MCC: variants seen among roughly 807,000 people sequenced by gnomAD.
The protein encoded by MCC is MCC regulator of Wnt signaling pathway.
MCC carries 90 observed loss-of-function variants against 116.2 expected under a neutral mutation model. The observed-to-expected ratio is 0.77, with a 90% CI of 0.65 to 0.92. The LOEUF (loss-of-function observed/expected upper bound fraction) is 0.92. MCC is among the 40% of genes least tolerant of loss of function. The pLI, the probability that MCC is intolerant of heterozygous loss-of-function variation, is 0.00. For synonymous variants in MCC, 578 were observed against 510.5 expected (o/e 1.13, Z -1.78); for missense variants, 1,516 against 1,312.2 (o/e 1.16, Z -2.40).
intron 12 of MCC, 142 bp from the exon 13 acceptor site, chr5:113,068,325 T>A: frequency 1.6e-6 from 1 of 633,578 alleles, no homozygotes; most frequent in East Asian, 2.8e-5. Flanking sequence ...CCATGAATAT[T>A]CCCAGGGCAG....
At chr5:113,394,054 C>A (rs572579983) in intron 1 of MCC, among the ~76,000 whole-genome samples, 4 of 152,282 alleles carry the variant, frequency 2.6e-5, no homozygotes, top group African/African-American at 9.6e-5. Context: ...TGGGTAGATA[C>A]AATTGACTGT....
At chr5:113,029,092 T>A in intron 17 of MCC, 36 bp from the exon 18 acceptor site, 1 of 1,585,970 alleles carries the variant, frequency 6.3e-7, no homozygotes, top group East Asian at 2.3e-5. Flanking sequence ...CAGGAGTAGT[T>A]TGAGATGATG....
chr5:113,259,423 G>C (rs937184084), intron 3 of MCC, among the ~76,000 whole-genome samples: 1 of 152,066 alleles, frequency 6.6e-6, no homozygotes. Context: ...TTATGGGTTA[G>C]AAGAAAGCCT....
At chr5:113,430,396 C>G (rs745925802) in intron 1 of MCC, among the ~76,000 whole-genome samples, 5 of 152,206 alleles carry the variant, frequency 3.3e-5, no homozygotes, top group Non-Finnish European at 5.9e-5. Context: ...TAAGCTGGAG[C>G]TGTATTAAAG....
At chr5:113,221,944 T>C (rs1048152692) in intron 3 of MCC, among the ~76,000 whole-genome samples, 2 of 152,218 alleles carry the variant, frequency 1.3e-5, no homozygotes, top group African/African-American at 4.8e-5. Context: ...TCTTGATAAA[T>C]TGTCTAGGCA....
chr5:113,122,960 T>C, intron 5 of MCC, 134 bp from the exon 6 acceptor site: 1 of 895,308 alleles, frequency 1.1e-6, no homozygotes, highest in Non-Finnish European at 1.7e-6. Flanking sequence ...GGGACCAGGA[T>C]TTCTCCCAGG....
rs1292880143 is a variant in MCC, at chr5:113,130,571, A to AATATTGG, written c.885-7752_885-7746dup. Among the ~76,000 whole-genome samples the AATATTGG allele has an allele frequency of 2.6e-5, 4 of 152,142 alleles. No homozygotes were observed. In the East Asian group the frequency reaches 7.7e-4, roughly 29 times the overall value. ...ACTCTCATGTAGAAATTTCACCCCC[A>AATATTGG]ATATTGGAGATGGAGTCTAGTGGGA... On this transcript the variant is annotated intron_variant, in intron 5 of 18. Transcript: ENST00000408903.
intron 6 of MCC, among the ~76,000 whole-genome samples, chr5:113,114,781 C>T (rs898464666): frequency 3.9e-5 from 6 of 152,286 alleles, no homozygotes; most frequent in South Asian, 2.1e-4. Context: ...AGATTACCTT[C>T]CCGTTCCATC....
At chr5:113,152,687 G>A (rs1176553556) in intron 3 of MCC, among the ~76,000 whole-genome samples, 3 of 152,194 alleles carry the variant, frequency 2.0e-5, no homozygotes, top group Non-Finnish European at 2.9e-5. Context: ...TGGGGTGGGT[G>A]TTGAGTGAGG....
intron 3 of MCC, among the ~76,000 whole-genome samples, chr5:113,274,358 C>T (rs1765733419): frequency 6.6e-6 from 1 of 152,098 alleles, no homozygotes; most frequent in South Asian, 2.1e-4. Context: ...ACTAAAGATA[C>T]TTTTGTTTTG....
At chr5:113,076,627 A>T (rs1452189779) in intron 11 of MCC, among the ~76,000 whole-genome samples, 1 of 152,210 alleles carries the variant, frequency 6.6e-6, no homozygotes, top group Non-Finnish European at 1.5e-5. Flanking sequence ...TTTTGTCACC[A>T]CCAGGCCTGC....
intron 1 of MCC, among the ~76,000 whole-genome samples, chr5:113,392,083 A>C (rs1201742746): frequency 6.6e-6 from 1 of 152,112 alleles, no homozygotes; most frequent in Non-Finnish European, 1.5e-5. Flanking sequence ...AAAATGGGTA[A>C]GGCTAGGCGT....
chr5:113,222,714 T>C (rs908833659), intron 3 of MCC, among the ~76,000 whole-genome samples: 5 of 152,170 alleles, frequency 3.3e-5, no homozygotes, highest in Non-Finnish European at 7.3e-5. Flanking sequence ...ATTTCTGTTG[T>C]TTGACTTATG....
Position 113,104,336 on chromosome 5 carries a change from G to C in MCC, c.1047C>G (p.Asn349Lys). The part of the protein sequence containing the change: ...TADMDNCSDL[N>K]SELQRVLTGL... The stretch of plus-strand genomic sequence containing the variant: ...CTGTCAGCACCCTCTGCAGTTCTGA[G>C]TTCAGGTCACTGCAGTTGTCTGTGA... Residue 349 changes from asparagine (N) to lysine (K), a missense_variant, in exon 7 of 19, where the codon AAC (asparagine) becomes AAG (lysine). Asn to Lys is a moderately conservative substitution (Grantham distance 94). Coordinates refer to ENST00000408903, the MANE Select transcript of MCC (RefSeq NM_001085377.2). 1 of 1,612,410 alleles carries C rather than the reference G, an allele frequency of 6.2e-7. No individual in the cohort carries two copies. The highest frequency in any genetic ancestry group is 1.3e-5 in the African/African-American group (1 of 75,000).
intron 3 of MCC, among the ~76,000 whole-genome samples, chr5:113,218,866 A>G (rs924860911): frequency 5.3e-5 from 8 of 151,644 alleles, no homozygotes; most frequent in African/African-American, 1.7e-4. Context: ...ATTCTTCCGA[A>G]TAGAAGGGGA....
At chr5:113,163,016 C>T (rs1369928288) in intron 3 of MCC, among the ~76,000 whole-genome samples, 2 of 152,132 alleles carry the variant, frequency 1.3e-5, no homozygotes, top group Non-Finnish European at 2.9e-5. Context: ...GTAATTGAAT[C>T]AGCTGCTCCC....
intron 8 of MCC, chr5:113,101,399 A>T: frequency 5.0e-6 from 1 of 198,632 alleles, no homozygotes; most frequent in Non-Finnish European, 1.0e-5. Context: ...TTTTTTTCAA[A>T]TTCTAAAGAC....
chr5:113,318,426 T>C (rs1251909615), intron 3 of MCC, among the ~76,000 whole-genome samples: 1 of 152,230 alleles, frequency 6.6e-6, no homozygotes, highest in Non-Finnish European at 1.5e-5. Flanking sequence ...AACATGATTC[T>C]CTAAATTGAT....
intron 2 of MCC, among the ~76,000 whole-genome samples, chr5:113,358,790 G>C (rs1051637337): frequency 2.0e-5 from 3 of 152,234 alleles, no homozygotes; most frequent in Non-Finnish European, 4.4e-5. Flanking sequence ...GACATCAACA[G>C]AAGCAGCAGT....
Sources: gnomAD v4.1 joint callset for allele counts (sites outside exome capture counted in the v4.1 genomes callset) on GRCh38, gnomAD v4.1.1 for gene constraint, MANE v1.5 for transcripts, NCBI Gene and HGNC (gene_info 2026-07-23, HGNC 2026-07-21) for gene names.